Variants in AOPEP observed in about 807,000 individuals in gnomAD.
The protein encoded by AOPEP is aminopeptidase O.
A neutral mutation model predicts 98.1 loss-of-function variants in AOPEP; 77 were observed. The observed-to-expected ratio is 0.78, with a 90% CI of 0.65 to 0.95. The LOEUF (loss-of-function observed/expected upper bound fraction) is 0.95. Among genes scored for constraint, AOPEP ranks in the 40% least tolerant of loss-of-function variants. The pLI, the probability that AOPEP is intolerant of heterozygous loss-of-function variation, is 0.00. For synonymous variants in AOPEP, 346 were observed against 365.3 expected (o/e 0.95, Z 0.60); for missense variants, 1,024 against 1,024.7 (o/e 1.00, Z 0.01).
At chr9:94,986,728 C>G (rs964058165) in intron 11 of AOPEP, among the ~76,000 whole-genome samples, 2 of 152,078 alleles carry the variant, frequency 1.3e-5, no homozygotes, top group Non-Finnish European at 2.9e-5. Context: ...TTGACACTGT[C>G]CAAATATATT....
chr9:95,103,534 C>T, the AOPEP span, among the ~76,000 whole-genome samples: 1 of 152,176 alleles, frequency 6.6e-6, no homozygotes, highest in African/African-American at 2.4e-5. Flanking sequence ...TCCATGCAGT[C>T]CTCTGCTCTG....
chr9:94,848,863 A>G (rs1336034793), intron 5 of AOPEP, among the ~76,000 whole-genome samples: 1 of 152,084 alleles, frequency 6.6e-6, no homozygotes, highest in Admixed American at 6.6e-5. Flanking sequence ...TGCAGCCTCC[A>G]CTTCCTGGGT....
chr9:94,836,861 G>A (rs2041664060), intron 5 of AOPEP, among the ~76,000 whole-genome samples: 1 of 152,056 alleles, frequency 6.6e-6, no homozygotes, highest in South Asian at 2.1e-4. Context: ...GTCATTTTGA[G>A]ATAAATATTT....
Position 94,856,636 on chromosome 9 carries a change from C to T in AOPEP, c.1364+55634C>T, listed in dbSNP as rs560408662. 1.6e-4 allele frequency among the ~76,000 whole-genome samples: 18 copies of T among 111,440 alleles called. No homozygotes were observed. In the South Asian group the frequency reaches 5.0e-3, roughly 31 times the overall value. The allele number at this position is 111,440 out of a possible 152,430, so 73.1% of individuals were successfully genotyped here. A position where few individuals can be genotyped will look rare whatever the true frequency, so the allele number is the denominator to read the frequency against. On this transcript the variant is annotated intron_variant, in intron 5 of 16. Coordinates refer to ENST00000375315, the MANE Select transcript of AOPEP (RefSeq NM_001193329.3). ...AGCCTGGGCAGCAAGAGTGAAACTCCGTCTTAAAAAAAAAAAAAAAAAAAA... is the reference window on the plus strand; with the variant it reads ...AGCCTGGGCAGCAAGAGTGAAACTCTGTCTTAAAAAAAAAAAAAAAAAAAA...
chr9:94,920,014 G>T (rs1270693914), intron 5 of AOPEP, among the ~76,000 whole-genome samples: 2 of 152,156 alleles, frequency 1.3e-5, no homozygotes, highest in African/African-American at 4.8e-5. Context: ...GCGGCCAGGC[G>T]CAGTGACTCA....
intron 14 of AOPEP, among the ~76,000 whole-genome samples, chr9:95,079,500 G>A (rs1239892560): frequency 6.6e-6 from 1 of 152,196 alleles, no homozygotes; most frequent in South Asian, 2.1e-4. Flanking sequence ...AATGGTTGAC[G>A]TGGTATAACT....
At chr9:94,728,383 C>CT (rs758595452) in intron 1 of AOPEP, among the ~76,000 whole-genome samples, 17 of 152,130 alleles carry the variant, frequency 1.1e-4, no homozygotes, top group Non-Finnish European at 8.8e-5. Flanking sequence ...CTTAATACTT[C>CT]TTTAGAAATG....
chr9:95,150,193 G>T, the AOPEP span: 2 of 1,160,024 alleles, frequency 1.7e-6, no homozygotes, highest in Non-Finnish European at 2.5e-6. Flanking sequence ...CACCTGTTTT[G>T]CCTCTAAATA....
chr9:94,742,584 G>A (rs867691565), intron 1 of AOPEP, among the ~76,000 whole-genome samples: 21 of 152,012 alleles, frequency 1.4e-4, no homozygotes, highest in African/African-American at 3.9e-4. Context: ...ACAGGCACGC[G>A]CCACCACGCC....
At chr9:94,727,098 C>T (rs915685718) in intron 1 of AOPEP, among the ~76,000 whole-genome samples, 1 of 152,228 alleles carries the variant, frequency 6.6e-6, no homozygotes, top group Non-Finnish European at 1.5e-5. Context: ...GTCTCGGCTT[C>T]TAGCCCCACA....
At chr9:95,005,007 G>GGCGGGCGCAGGGC (rs1258432750) in intron 11 of AOPEP, 151 bp from the exon 12 acceptor site, 2 of 178,354 alleles carry the variant, frequency 1.1e-5, no homozygotes, top group African/African-American at 4.8e-5. Flanking sequence ...GCGGACCCCG[G>GGCGGGCGCAGGGC]GCGGGCGCAG....
intron 9 of AOPEP, among the ~76,000 whole-genome samples, chr9:94,961,582 G>A (rs75946998): frequency 4.6e-4 from 70 of 152,130 alleles, no homozygotes; most frequent in African/African-American, 1.4e-3. Flanking sequence ...TTCTATTAGT[G>A]CTCTTGTACT....
chr9:95,101,484 T>C, the AOPEP span: 12 of 604,910 alleles, frequency 2.0e-5, no homozygotes, highest in African/African-American at 1.8e-4. Flanking sequence ...GAAGGCTCAC[T>C]TGAGTCATTA....
At chr9:94,792,633 G>A (rs985679621) in intron 3 of AOPEP, 132 bp from the exon 4 acceptor site, 35 of 807,812 alleles carry the variant, frequency 4.3e-5, no homozygotes, top group African/African-American at 1.9e-4. Flanking sequence ...TTCTGCTGAC[G>A]TGACCGACCT....
rs1843272400 is a variant in AOPEP, at chr9:94,781,646, T to C, written c.964+8478T>C. 4.6e-5 allele frequency among the ~76,000 whole-genome samples: 7 copies of C among 151,400 alleles called. No individual in the cohort carries two copies. In the South Asian group the frequency reaches 1.5e-3, roughly 32 times the overall value. ...CACGATCTCCGCTCACTGCAAGCTC[T>C]GCCTCCCAGGTTTACGCCATTCTCC... On this transcript the variant is annotated intron_variant, in intron 3 of 16. Transcript: ENST00000375315.
At chr9:94,737,154 G>A (rs1448558339) in intron 1 of AOPEP, among the ~76,000 whole-genome samples, 5 of 151,730 alleles carry the variant, frequency 3.3e-5, no homozygotes, top group Non-Finnish European at 4.4e-5. Context: ...CTGTTAGACA[G>A]AGTCTTGCTT....
intron 5 of AOPEP, among the ~76,000 whole-genome samples, chr9:94,809,456 G>A (rs1442590136): frequency 6.6e-6 from 1 of 152,200 alleles, no homozygotes; most frequent in Non-Finnish European, 1.5e-5. Flanking sequence ...ACACACTTTG[G>A]GAGATGATTC....
intron 1 of AOPEP, among the ~76,000 whole-genome samples, chr9:94,746,153 C>T (rs1190860013): frequency 1.3e-5 from 2 of 152,232 alleles, no homozygotes; most frequent in East Asian, 3.8e-4. Flanking sequence ...ACTCTCCCTT[C>T]ACCACCCTGA....
chr9:94,875,751 C>T (rs748162563), intron 5 of AOPEP, among the ~76,000 whole-genome samples: 5 of 152,194 alleles, frequency 3.3e-5, no homozygotes, highest in South Asian at 2.1e-4. Context: ...CCTGTTTGGT[C>T]GGCCTCTCAG....
Sources: allele counts gnomAD v4.1 joint callset (sites outside exome capture counted in the v4.1 genomes callset), GRCh38; gene constraint gnomAD v4.1.1; transcripts MANE v1.5; gene names NCBI Gene and HGNC (gene_info 2026-07-23, HGNC 2026-07-21).